LMNTD1: variants seen among roughly 807,000 people sequenced by gnomAD.
LMNTD1 encodes lamin tail domain-containing protein 1.
LMNTD1 carries 35 observed loss-of-function variants against 50.9 expected under a neutral mutation model. That is an observed-to-expected ratio of 0.69 (90% confidence interval 0.53 to 0.91). LMNTD1 has a LOEUF of 0.91. Ranked by LOEUF, LMNTD1 falls within the 40% of genes least tolerant of loss-of-function variation. The pLI, the probability that LMNTD1 is intolerant of heterozygous loss-of-function variation, is 0.00. For missense variants in LMNTD1, 470 were observed against 475.5 expected, an observed-to-expected ratio of 0.99 and a Z score of 0.11; for synonymous variants, 153 against 161.9, an observed-to-expected ratio of 0.94 and a Z score of 0.42.
intron 1 of LMNTD1, among the ~76,000 whole-genome samples, chr12:25,643,561 C>T (rs1946995856): frequency 6.6e-6 from 1 of 152,204 alleles, no homozygotes; most frequent in Non-Finnish European, 1.5e-5. Context: ...CCTTTCAACT[C>T]ATTAGCCAGA....
intron 4 of LMNTD1, among the ~76,000 whole-genome samples, chr12:25,527,669 TATATATATATATACACACACACAC>T (rs1160383081): frequency 4.0e-4 from 9 of 22,750 alleles, no homozygotes; most frequent in Admixed American, 2.3e-3. Context: ...TATATATATA[TATATATATATATACACACACACAC>T]ACACACACAC....
chr12:25,628,923 T>TA (rs1294386411), intron 1 of LMNTD1, among the ~76,000 whole-genome samples: 2 of 152,162 alleles, frequency 1.3e-5, no homozygotes, highest in Non-Finnish European at 2.9e-5. Context: ...AAAGCAGCCA[T>TA]AGGAGGCTAA....
intron 1 of LMNTD1, among the ~76,000 whole-genome samples, chr12:25,588,068 G>A (rs573388600): frequency 1.3e-5 from 2 of 152,076 alleles, no homozygotes; most frequent in African/African-American, 4.8e-5. Flanking sequence ...TGGTATTAAG[G>A]AAAAAAGAAA....
intron 1 of LMNTD1, among the ~76,000 whole-genome samples, chr12:25,646,436 G>T (rs991288178): frequency 2.0e-5 from 3 of 152,052 alleles, no homozygotes; most frequent in South Asian, 2.1e-4. Flanking sequence ...TCTTTCCAAT[G>T]GTCTTCTGCT....
intron 1 of LMNTD1, among the ~76,000 whole-genome samples, chr12:25,597,271 A>ATAGAAACACACTTCATGTT (rs1945863516): frequency 6.6e-6 from 1 of 152,050 alleles, no homozygotes; most frequent in African/African-American, 2.4e-5. Flanking sequence ...CACTTCATGT[A>ATAGAAACACACTTCATGTT]TAAAAACACA....
At chr12:25,591,089 C>T (rs1007333198) in intron 1 of LMNTD1, among the ~76,000 whole-genome samples, 9 of 152,182 alleles carry the variant, frequency 5.9e-5, no homozygotes, top group African/African-American at 2.2e-4. Flanking sequence ...CTAGCTTGGC[C>T]ACAGCAGGGT....
At chr12:25,570,014 T>C (rs1286238296) in intron 1 of LMNTD1, among the ~76,000 whole-genome samples, 1 of 152,224 alleles carries the variant, frequency 6.6e-6, no homozygotes, top group Non-Finnish European at 1.5e-5. Flanking sequence ...GTCAGATAAT[T>C]GTCCAAAGCC....
chr12:25,638,516 AT>A (rs1271854747), intron 1 of LMNTD1, among the ~76,000 whole-genome samples: 1 of 152,078 alleles, frequency 6.6e-6, no homozygotes, highest in Non-Finnish European at 1.5e-5. Context: ...TATACAAAAA[AT>A]AATTGTATTT....
intron 1 of LMNTD1, among the ~76,000 whole-genome samples, chr12:25,641,321 T>C (rs1352478063): frequency 6.6e-6 from 1 of 152,192 alleles, no homozygotes; most frequent in Non-Finnish European, 1.5e-5. Context: ...AAACCAGCAG[T>C]TTGGCTGAAA....
chr12:25,621,141 G>A (rs1290422449), intron 1 of LMNTD1, among the ~76,000 whole-genome samples: 1 of 152,204 alleles, frequency 6.6e-6, no homozygotes, highest in African/African-American at 2.4e-5. Flanking sequence ...CAAGGGCCTA[G>A]AACAGTGCCT....
chr12:25,643,371 A>G (rs930578519), intron 1 of LMNTD1, among the ~76,000 whole-genome samples: 2 of 152,196 alleles, frequency 1.3e-5, no homozygotes, highest in Non-Finnish European at 2.9e-5. Flanking sequence ...TTTGAAAAAT[A>G]GAGAGGAGGC....
chr12:25,619,248 C>CTATATATATATATATA (rs1256778114), intron 1 of LMNTD1, among the ~76,000 whole-genome samples: 5 of 78,546 alleles, frequency 6.4e-5, no homozygotes, highest in Non-Finnish European at 1.3e-4. Flanking sequence ...CTCTCTCTCT[C>CTATATATATATATATA]TCTCTATATA....
chr12:25,576,756 A>T (rs1945037433), intron 1 of LMNTD1, among the ~76,000 whole-genome samples: 1 of 152,116 alleles, frequency 6.6e-6, no homozygotes, highest in Non-Finnish European at 1.5e-5. Flanking sequence ...TTAGTCATGA[A>T]GTCCTTGCCC....
chr12:25,500,191 T>C (rs939560988), intron 9 of LMNTD1, among the ~76,000 whole-genome samples: 1 of 152,120 alleles, frequency 6.6e-6, no homozygotes, highest in Non-Finnish European at 1.5e-5. Context: ...AAAGTAGAGA[T>C]AGAAAACACT....
intron 1 of LMNTD1, among the ~76,000 whole-genome samples, chr12:25,564,163 G>C (rs1944453480): frequency 6.6e-6 from 1 of 152,196 alleles, no homozygotes; most frequent in Non-Finnish European, 1.5e-5. Flanking sequence ...GCCCCAGTGA[G>C]ATGAACCCGG....
chr12:25,515,977 GT>G (rs1940734392), intron 8 of LMNTD1, among the ~76,000 whole-genome samples: 2 of 151,890 alleles, frequency 1.3e-5, no homozygotes, highest in Non-Finnish European at 2.9e-5. Context: ...TGTGCTAATG[GT>G]GGCAAATTTT....
chr12:25,593,790 C>A (rs1398602466), intron 1 of LMNTD1, among the ~76,000 whole-genome samples: 5 of 144,620 alleles, frequency 3.5e-5, no homozygotes, highest in African/African-American at 1.0e-4. Flanking sequence ...AAAGCCCAAT[C>A]TAAGGAAATT....
intron 1 of LMNTD1, among the ~76,000 whole-genome samples, chr12:25,636,949 A>C (rs1342526797): frequency 6.7e-6 from 1 of 148,952 alleles, no homozygotes; most frequent in Non-Finnish European, 1.5e-5. Flanking sequence ...GAGGACACAA[A>C]GGCATAAGAA....
At chr12:25,562,779 G>T (rs1011076606) in intron 1 of LMNTD1, among the ~76,000 whole-genome samples, 4 of 152,204 alleles carry the variant, frequency 2.6e-5, no homozygotes, top group Non-Finnish European at 5.9e-5. Flanking sequence ...ACACCAATCC[G>T]ATGTAGATTT....
Sources: gnomAD v4.1 joint callset for allele counts (sites outside exome capture counted in the v4.1 genomes callset) on GRCh38, gnomAD v4.1.1 for gene constraint, MANE v1.5 for transcripts, NCBI Gene and HGNC (gene_info 2026-07-23, HGNC 2026-07-21) for gene names.